RNF6: variants seen among roughly 807,000 people sequenced by gnomAD.
RNF6 encodes the protein ring finger protein 6.
A neutral mutation model predicts 50.1 loss-of-function variants in RNF6; 21 were observed. That is an observed-to-expected ratio of 0.42 (90% CI 0.30 to 0.60). RNF6 has a LOEUF of 0.60. RNF6 is among the 20% of genes least tolerant of loss of function. The pLI is 0.20. For missense variants in RNF6, 698 were observed against 838.2 expected (o/e 0.83, Z 2.07); for synonymous variants, 255 against 291.8 (o/e 0.87, Z 1.29).
At chr13:26,198,727 T>C (rs1868776191) in intron 5 of RNF6, among the ~76,000 whole-genome samples, 1 of 151,936 alleles carries the variant, frequency 6.6e-6, no homozygotes, top group Admixed American at 6.6e-5. Context: ...TAGCATTCAG[T>C]ACATAGAATA....
At chr13:26,177,330 A>G (rs1873005598) in intron 5 of RNF6, among the ~76,000 whole-genome samples, 2 of 152,176 alleles carry the variant, frequency 1.3e-5, no homozygotes, top group Admixed American at 6.5e-5. Flanking sequence ...CCACAACTCC[A>G]TAGAGACCAC....
intron 5 of RNF6, among the ~76,000 whole-genome samples, chr13:26,203,321 T>C (rs1291802989): frequency 6.6e-6 from 1 of 152,238 alleles, no homozygotes; most frequent in African/African-American, 2.4e-5. Flanking sequence ...TTAGCTTCTC[T>C]GATGGCAATT....
Position 26,214,487 on chromosome 13 carries a change from A to G in RNF6, c.1395T>C (p.Arg465=), listed in dbSNP as rs184913758. The G allele has an allele frequency of 8.1e-6, 13 of 1,614,172 alleles. No individual in the cohort carries two copies. In the East Asian group the frequency reaches 2.7e-4, roughly 33 times the overall value. Residue 465 remains arginine, a synonymous_variant, in exon 5 of 5, where the codon CGT becomes CGC. Transcript: ENST00000381588. ...CAACAAGCTCATTCTCAGAAATCCTACGAAGAGGAACTGTTATGGTACTAA... is the reference window on the plus strand; with the variant it reads ...CAACAAGCTCATTCTCAGAAATCCTGCGAAGAGGAACTGTTATGGTACTAA... ...TYVSTITVPL[R]RISENELVEP...
chr13:26,198,174 T>G (rs1376091634), intron 5 of RNF6, among the ~76,000 whole-genome samples: 1 of 151,478 alleles, frequency 6.6e-6, no homozygotes, highest in Non-Finnish European at 1.5e-5. Context: ...GAGAGAAATA[T>G]TCATTTTAAG....
At position 26,215,108 on chromosome 13, in the gene RNF6, G is replaced by T; in HGVS notation, c.774C>A (p.His258Gln). ...ANASRTNFSS[H>Q]TNQSGGSELR... ...GTTCACTACCACCTGATTGGTTTGT[G>T]TGACTACTGAAATTAGTGCGTGAAG... The change falls in exon 5 of 5, where the codon CAC becomes CAA. Residue 258 changes from histidine to glutamine, a missense_variant. By Grantham distance (24) the His-to-Gln change is conservative (BLOSUM62 0). Coordinates refer to ENST00000381588, the MANE Select transcript of RNF6 (RefSeq NM_005977.4). 2 of 1,614,216 alleles carry T rather than the reference G, an allele frequency of 1.2e-6. No individual in the cohort carries two copies. Among genetic ancestry groups the T allele is most frequent in the Non-Finnish European group, 1.7e-6 (2 of 1,180,044 alleles).
chr13:26,171,922 T>C (rs1370664554), intron 5 of RNF6, among the ~76,000 whole-genome samples: 2 of 152,194 alleles, frequency 1.3e-5, no homozygotes, highest in African/African-American at 4.8e-5. Flanking sequence ...AAAGAAGAGT[T>C]ACTGTTTAAT....
intron 5 of RNF6, among the ~76,000 whole-genome samples, chr13:26,161,777 GTT>G (rs975316954): frequency 2.0e-5 from 3 of 152,112 alleles, no homozygotes; most frequent in African/African-American, 7.2e-5. Context: ...TTCCTCAGCT[GTT>G]TTTGTCAGGT....
At chr13:26,162,923 T>G (rs1872277485) in intron 5 of RNF6, among the ~76,000 whole-genome samples, 1 of 152,218 alleles carries the variant, frequency 6.6e-6, no homozygotes, top group Non-Finnish European at 1.5e-5. Flanking sequence ...CAACTAATTT[T>G]TAAATATTTG....
intron 5 of RNF6, among the ~76,000 whole-genome samples, chr13:26,143,519 G>A (rs923015330): frequency 6.8e-6 from 1 of 146,902 alleles, no homozygotes; most frequent in African/African-American, 2.5e-5. Flanking sequence ...GTAGGAACAG[G>A]AAGAAAACTT....
In RNF6 at chr13:26,214,272, G is replaced by A; in HGVS notation, c.1610C>T (p.Ser537Phe). The change falls in exon 5 of 5, where the codon TCT becomes TTT. Residue 537 changes from serine (S) to phenylalanine (F), a missense_variant. Ser to Phe is a radical substitution (Grantham distance 155). Transcript: ENST00000381588. ...GTCTCCTTGGGCCTGCCTGTCTTGA[G>A]AGGAACCTTCCCTGTGCTGGCTCCT... ...NNRSQHREGS[S>F]QDRQAQGDST... The A allele has an allele frequency of 6.2e-7, 1 of 1,614,182 alleles. No homozygotes were observed. Among genetic ancestry groups the A allele is most frequent in the Non-Finnish European group, 8.5e-7 (1 of 1,180,040 alleles).
intron 3 of RNF6, 94 bp downstream of exon 3, chr13:26,219,363 G>C (rs138742866): frequency 9.4e-7 from 1 of 1,063,326 alleles, no homozygotes; most frequent in East Asian, 2.5e-5. Context: ...TTCATAAAGA[G>C]AAGCAAGGAA....
intron 5 of RNF6, among the ~76,000 whole-genome samples, chr13:26,169,508 T>A (rs981799860): frequency 6.6e-6 from 1 of 152,212 alleles, no homozygotes; most frequent in Non-Finnish European, 1.5e-5. Flanking sequence ...GACCTACCTT[T>A]TTTTGTGTCC....
chr13:26,195,954 G>A (rs917697474), intron 5 of RNF6, among the ~76,000 whole-genome samples: 1 of 152,018 alleles, frequency 6.6e-6, no homozygotes, highest in African/African-American at 2.4e-5. Flanking sequence ...AAGGTCTAAT[G>A]GAAAAATTTC....
chr13:26,134,004 A>G (rs1423900747), intron 5 of RNF6, among the ~76,000 whole-genome samples: 1 of 152,220 alleles, frequency 6.6e-6, no homozygotes, highest in African/African-American at 2.4e-5. Flanking sequence ...ACATACCTCC[A>G]ACAGGGGAAA....
chr13:26,172,438 AC>A (rs1872738537), intron 5 of RNF6, among the ~76,000 whole-genome samples: 1 of 152,260 alleles, frequency 6.6e-6, no homozygotes, highest in Admixed American at 6.5e-5. Flanking sequence ...TGGTGAAAAA[AC>A]ACAAACCATG....
At position 26,176,292 on chromosome 13, in the gene RNF6, C is replaced by CT. The variant is rs568695470; in HGVS notation, n.768+39181dup. 2.6e-5 allele frequency among the ~76,000 whole-genome samples: 4 copies of CT among 152,074 alleles called. No individual in the cohort carries two copies. In the East Asian group the frequency reaches 7.7e-4, roughly 29 times the overall value. ...AAGCATACTCTTCCCAGTCTCTTCTCTTTTTTTTAGAGAGAGAGACAGGGT... is the reference window on the plus strand; with the variant it reads ...AAGCATACTCTTCCCAGTCTCTTCTCTTTTTTTTTAGAGAGAGAGACAGGGT... On this transcript the variant is annotated intron_variant and non_coding_transcript_variant, in intron 5 of 5. Transcript: ENST00000468480.
chr13:26,158,775 TATACAGTAGA>T (rs1872066270), intron 5 of RNF6, among the ~76,000 whole-genome samples: 1 of 152,194 alleles, frequency 6.6e-6, no homozygotes, highest in South Asian at 2.1e-4. Flanking sequence ...TGGTTATTTC[TATACAGTAGA>T]ATTTTAGGCA....
chr13:26,133,923 A>C (rs982952491), intron 5 of RNF6, among the ~76,000 whole-genome samples: 1 of 152,254 alleles, frequency 6.6e-6, no homozygotes, highest in Middle Eastern at 3.4e-3. Flanking sequence ...ATTGAAACCT[A>C]GATGTTTTGG....
intron 5 of RNF6, among the ~76,000 whole-genome samples, chr13:26,166,462 C>T (rs1872456888): frequency 6.6e-6 from 1 of 152,148 alleles, no homozygotes; most frequent in Non-Finnish European, 1.5e-5. Flanking sequence ...AACCCATAGT[C>T]TCAGCCCAAA....
Sources: allele counts gnomAD v4.1 joint callset (sites outside exome capture counted in the v4.1 genomes callset), GRCh38; gene constraint gnomAD v4.1.1; transcripts MANE v1.5; gene names NCBI Gene and HGNC (gene_info 2026-07-23, HGNC 2026-07-21).